Variants in KIAA0825 observed in about 807,000 individuals in gnomAD.
The protein encoded by KIAA0825 is KIAA0825, also known as uncharacterized protein KIAA0825.
Under a neutral mutation model 147.6 loss-of-function variants are expected in KIAA0825, and 119 were observed. The observed-to-expected ratio is 0.81, with a 90% CI of 0.69 to 0.94. The LOEUF (loss-of-function observed/expected upper bound fraction) is 0.94. Among genes scored for constraint, KIAA0825 ranks in the 40% least tolerant of loss-of-function variants. KIAA0825 has a pLI of 0.00. For synonymous variants in KIAA0825, 470 were observed against 518.1 expected (o/e 0.91, Z 1.26); for missense variants, 1,381 against 1,472.7 (o/e 0.94, Z 1.02).
At chr5:94,194,607 C>T (rs899284732) in intron 20 of KIAA0825, among the ~76,000 whole-genome samples, 6 of 152,184 alleles carry the variant, frequency 3.9e-5, no homozygotes, top group South Asian at 4.1e-4. Flanking sequence ...ACCACCAGGC[C>T]GCAGAGGGAC....
chr5:94,340,407 A>T (rs1782252271), intron 20 of KIAA0825, among the ~76,000 whole-genome samples: 1 of 152,186 alleles, frequency 6.6e-6, no homozygotes, highest in Admixed American at 6.5e-5. Context: ...ACAGAATCCA[A>T]GGATACAGAG....
chr5:94,366,465 AATTACTTGG>A (rs1176893077), intron 20 of KIAA0825, among the ~76,000 whole-genome samples: 1 of 152,062 alleles, frequency 6.6e-6, no homozygotes, highest in Non-Finnish European at 1.5e-5. Flanking sequence ...CTCCTTTTGC[AATTACTTGG>A]AGTCTTGGGC....
At chr5:94,598,101 A>AT (rs1785637748) in intron 1 of KIAA0825, among the ~76,000 whole-genome samples, 1 of 152,140 alleles carries the variant, frequency 6.6e-6, no homozygotes, top group Admixed American at 6.5e-5. Context: ...TCAATAATAA[A>AT]TTAACCTTAG....
intron 14 of KIAA0825, among the ~76,000 whole-genome samples, chr5:94,430,754 G>A (rs1009576366): frequency 6.6e-6 from 1 of 152,124 alleles, no homozygotes; most frequent in African/African-American, 2.4e-5. Flanking sequence ...CATTTTGTAA[G>A]TTTCAGGAAC....
In KIAA0825 at chr5:94,391,581, C is replaced by A. The variant is rs1367659053; in HGVS notation, c.3410G>T (p.Gly1137Val). The change falls in exon 18 of 21, where the codon GGC becomes GTC. Residue 1137 changes from glycine (G) to valine (V), a missense_variant. Physicochemically the swap from Gly to Val is moderately radical, Grantham distance 109. Coordinates refer to ENST00000682413, the MANE Select transcript of KIAA0825 (RefSeq NM_001145678.3). The part of the protein sequence containing the change: ...MVLDLCHKPG[G>V]REYLRQIYHI... ...ATAAATTTGCCTCAGGTACTCCCTG[C>A]CACCTGGTTTGTGGCAGAGATCCAG... 42 of 1,551,500 alleles carry A rather than the reference C, an allele frequency of 2.7e-5. No homozygotes were observed. The highest frequency in any genetic ancestry group is 3.5e-5 in the Non-Finnish European group (40 of 1,146,962).
At chr5:94,260,308 G>T (rs1776430676) in intron 20 of KIAA0825, among the ~76,000 whole-genome samples, 1 of 152,108 alleles carries the variant, frequency 6.6e-6, no homozygotes, top group Non-Finnish European at 1.5e-5. Flanking sequence ...TCTTTATGAT[G>T]GCACAAAGGA....
At chr5:94,291,417 T>C (rs180997666) in intron 20 of KIAA0825, among the ~76,000 whole-genome samples, 1 of 152,264 alleles carries the variant, frequency 6.6e-6, no homozygotes, top group East Asian at 1.9e-4. Flanking sequence ...AAAGATCAGA[T>C]GGTTGTAGAT....
At chr5:94,460,630 A>AT (rs551467447) in intron 12 of KIAA0825, among the ~76,000 whole-genome samples, 2 of 152,032 alleles carry the variant, frequency 1.3e-5, no homozygotes, top group Admixed American at 6.6e-5. Flanking sequence ...GAGATTCACA[A>AT]TTTTTTTAAT....
rs920353 is a variant in KIAA0825, at chr5:94,177,145, A to G, written c.3711-23021T>C. On this transcript the variant is annotated intron_variant, in intron 20 of 20. Coordinates refer to ENST00000682413, the MANE Select transcript of KIAA0825 (RefSeq NM_001145678.3). ...TATTAGGTCAACTTTAACCAATGTTACAATATCATTTCATTATTTTTAAAA... is the reference window on the plus strand; with the variant it reads ...TATTAGGTCAACTTTAACCAATGTTGCAATATCATTTCATTATTTTTAAAA... Among the ~76,000 whole-genome samples the G allele has an allele frequency of 4.7e-3, 711 of 152,286 alleles. 3 individuals are homozygous for G. Among genetic ancestry groups the G allele is most frequent in the Non-Finnish European group, 8.1e-3 (553 of 68,010 alleles).
chr5:94,199,353 G>A (rs1488987579), intron 20 of KIAA0825, among the ~76,000 whole-genome samples: 1 of 152,150 alleles, frequency 6.6e-6, no homozygotes, highest in East Asian at 1.9e-4. Flanking sequence ...ACCCTGGGGG[G>A]CAGGGACCAG....
At chr5:94,452,287 G>C (rs1456813442) in intron 13 of KIAA0825, among the ~76,000 whole-genome samples, 1 of 152,184 alleles carries the variant, frequency 6.6e-6, no homozygotes, top group African/African-American at 2.4e-5. Context: ...TCAAGAGAGA[G>C]ATATAGTCAG....
intron 5 of KIAA0825, among the ~76,000 whole-genome samples, chr5:94,488,541 G>A (rs1763333357): frequency 6.6e-6 from 1 of 151,882 alleles, no homozygotes; most frequent in African/African-American, 2.4e-5. Context: ...TGAGGAGATA[G>A]TTGAGGGTTT....
rs1781924571 is a variant in KIAA0825, at chr5:94,580,619, G to A, written c.-2+1814C>T. Among the ~76,000 whole-genome samples, 4 of 35,308 alleles carry A rather than the reference G, an allele frequency of 1.1e-4. 2 individuals are homozygous for A. Among genetic ancestry groups the A allele is most frequent in the African/African-American group, 1.0e-3 (4 of 3,900 alleles). The allele number at this position is 35,308 out of a possible 152,430, so 23.2% of individuals were successfully genotyped here. The stretch of plus-strand genomic sequence containing the variant: ...CGGCCGGGCGCGGTGGCTCACGCCT[G>A]TAATCCCAGCACTTTGGGAGGCCGA... On this transcript the variant is annotated intron_variant, in intron 2 of 20. Transcript: ENST00000682413.
Position 94,469,908 on chromosome 5 carries a change from C to T in KIAA0825, c.1872+53G>A, listed in dbSNP as rs187888013. On this transcript the variant is annotated intron_variant, in intron 10 of 20. Transcript: ENST00000682413. ...TTTCTAATTAGCCAGAAAGCAGGTA[C>T]GCAGTAAAACATATTTGTGTAAAAA... 2.1e-5 allele frequency: 30 copies of T among 1,398,804 alleles called. No individual in the cohort carries two copies. In the Admixed American group the frequency reaches 2.4e-4, roughly 11 times the overall value. The allele number at this position is 1,398,804 out of a possible 1,614,324, so 86.6% of individuals were successfully genotyped here.
chr5:94,513,259 T>C (rs1299262294), intron 5 of KIAA0825, among the ~76,000 whole-genome samples: 1 of 152,198 alleles, frequency 6.6e-6, no homozygotes, highest in Non-Finnish European at 1.5e-5. Context: ...CATTTTAATC[T>C]TTTAAAAAGT....
At position 94,521,003 on chromosome 5, in the gene KIAA0825, AG is replaced by A. The variant is rs536943941; in HGVS notation, c.301-87del. The A allele has an allele frequency of 3.2e-3, 3,746 of 1,167,882 alleles. 16 individuals are homozygous for A. The highest frequency in any genetic ancestry group is 4.5e-3 in the South Asian group (251 of 55,962). 72.3% of individuals were successfully genotyped at this position (1,167,882 alleles called of 1,614,324 possible). On this transcript the variant is annotated intron_variant, in intron 4 of 20. Coordinates refer to ENST00000682413, the MANE Select transcript of KIAA0825 (RefSeq NM_001145678.3). Reference sequence around the variant, plus strand: ...TCATATACAATTTCATAATAATTTCAGGTTGAAATCAATACTCTAAAATTCC... The same window carrying A: ...TCATATACAATTTCATAATAATTTCAGTTGAAATCAATACTCTAAAATTCC...
At position 94,396,469 on chromosome 5, in the gene KIAA0825, G is replaced by C; in HGVS notation, c.2928C>G (p.Ile976Met). The change falls in exon 17 of 21, where the codon ATC (isoleucine) becomes ATG (methionine). Residue 976 changes from isoleucine to methionine, a missense_variant. Physicochemically the swap from Ile to Met is conservative, Grantham distance 10. Coordinates refer to ENST00000682413, the MANE Select transcript of KIAA0825 (RefSeq NM_001145678.3). ...RLTAQAVSIVISKLPTVIACL... is the reference protein window; with the variant it reads ...RLTAQAVSIVMSKLPTVIACL... ...ATGCAATCACCGTAGGTAACTTGCT[G>C]ATTACAATAGATACTGCCTGAGCAG... The C allele has an allele frequency of 2.0e-6, 3 of 1,524,844 alleles. No individual in the cohort carries two copies. Among genetic ancestry groups the C allele is most frequent in the Non-Finnish European group, 2.6e-6 (3 of 1,135,950 alleles). The allele number at this position is 1,524,844 out of a possible 1,614,324, so 94.5% of individuals were successfully genotyped here. A position where few individuals can be genotyped will look rare whatever the true frequency, so the allele number is the denominator to read the frequency against.
intron 20 of KIAA0825, among the ~76,000 whole-genome samples, chr5:94,330,208 GAGGTGAAAA>G (rs1348963530): frequency 6.6e-6 from 1 of 152,158 alleles, no homozygotes; most frequent in Non-Finnish European, 1.5e-5. Context: ...GGACATAGAA[GAGGTGAAAA>G]ATATTAACCA....
chr5:94,611,159 T>C (rs1441707475), intron 1 of KIAA0825, among the ~76,000 whole-genome samples: 8 of 152,012 alleles, frequency 5.3e-5, no homozygotes, highest in Non-Finnish European at 1.2e-4. Flanking sequence ...TATGCCCTAC[T>C]AATAGCACAA....
Sources: gnomAD v4.1 joint callset for allele counts (sites outside exome capture counted in the v4.1 genomes callset) on GRCh38, gnomAD v4.1.1 for gene constraint, MANE v1.5 for transcripts, NCBI Gene and HGNC (gene_info 2026-07-23, HGNC 2026-07-21) for gene names.